RFX6: variants seen among roughly 807,000 people sequenced by gnomAD.
The protein encoded by RFX6 is DNA-binding protein RFX6.
A neutral mutation model predicts 110.8 loss-of-function variants in RFX6; 50 were observed. The observed-to-expected ratio is 0.45, with a 90% CI of 0.36 to 0.57. The LOEUF (loss-of-function observed/expected upper bound fraction) is 0.57. Among genes scored for constraint, RFX6 ranks in the 20% least tolerant of loss-of-function variants. The pLI, the probability that RFX6 is intolerant of heterozygous loss-of-function variation, is 0.00. For missense variants in RFX6, 990 were observed against 1,127.0 expected (o/e 0.88, Z 1.74); for synonymous variants, 383 against 411.2 (o/e 0.93, Z 0.83).
rs776594000 is a variant in RFX6 at position 116,928,808 on chromosome 6, A to T, written c.2448A>T (p.Ser816=). The T allele has an allele frequency of 1.9e-6, 3 of 1,614,050 alleles. 1 individual carries two copies. The Admixed American group carries it at 5.0e-5, about 27-fold the overall frequency. ...ACCCAGAGTCTCACAGGCTCGGATC[A>T]ATGGTGAATCAGCACGTTTCTGTCA... ...INYPESHRLG[S]MVNQHVSVIS... is the part of the protein sequence containing the mutation. Residue 816 remains serine, a synonymous_variant, in exon 18 of 19, where the codon TCA becomes TCT. Transcript: ENST00000332958.
Position 116,927,323 on chromosome 6 carries a change from A to C in RFX6, c.2182A>C (p.Met728Leu). The C allele has an allele frequency of 6.2e-7, 1 of 1,614,168 alleles. No individual in the cohort carries two copies. The highest frequency in any genetic ancestry group is 8.5e-7 in the Non-Finnish European group (1 of 1,179,980). The change falls in exon 17 of 19, where the codon ATG becomes CTG. Residue 728 changes from methionine to leucine, a missense_variant. This residue lies in a region of RFX6 where 438 missense variants were observed against 441.9 expected (regional missense o/e 0.99). Transcript: ENST00000332958. ...TCATCACACCGAGCATGGTCGATGC[A>C]TGGCTTGGACTGAACAGCAGCTTTC... The part of the protein sequence containing the change: ...YPHHTEHGRC[M>L]AWTEQQLSRD...
At chr6:116,922,174 G>A (rs2114699198) in intron 13 of RFX6, 23 bp downstream of exon 13, 1 of 1,068,294 alleles carries the variant, frequency 9.4e-7, no homozygotes. Context: ...GACAGATTCA[G>A]AAAATAAGTT....
chr6:116,916,691 T>C (rs994759665), intron 9 of RFX6, among the ~76,000 whole-genome samples: 2 of 152,130 alleles, frequency 1.3e-5, no homozygotes, highest in African/African-American at 4.8e-5. Context: ...GGCACCCTTA[T>C]GAGATTAATA....
In RFX6 at chr6:116,924,551, T is replaced by C. The variant is rs1775667460; in HGVS notation, c.1556-118T>C. ...AGTATTTGTTTATTTCAGTTGCTCC[T>C]TGTAAAGTGTTGCGAGATGGTCACA... On this transcript the variant is annotated intron_variant, in intron 14 of 18. Transcript: ENST00000332958. 1.3e-5 allele frequency: 12 copies of C among 923,636 alleles called. No homozygotes were observed. The South Asian group carries it at 1.3e-4, about 10-fold the overall frequency. 57.2% of individuals were successfully genotyped at this position (923,636 alleles called of 1,614,324 possible). A position where few individuals can be genotyped will look rare whatever the true frequency, so the allele number is the denominator to read the frequency against.
In RFX6 at chr6:116,927,547, T is replaced by C. The variant is rs147610306; in HGVS notation, c.2398+8T>C. 8.6e-3 allele frequency: 13,824 copies of C among 1,611,366 alleles called. 521 individuals carry two copies. The South Asian group carries it at 0.093, about 11-fold the overall frequency. Reference sequence around the variant, plus strand: ...CTCCTAATTCACCAAATGGTATTGATATTTAAAAGAATTTTTCTTGGTTTT... The same window carrying C: ...CTCCTAATTCACCAAATGGTATTGACATTTAAAAGAATTTTTCTTGGTTTT... On this transcript the variant is annotated splice_region_variant and intron_variant, in intron 17 of 18. Coordinates refer to ENST00000332958, the MANE Select transcript of RFX6 (RefSeq NM_173560.4).
intron 18 of RFX6, among the ~76,000 whole-genome samples, chr6:116,930,457 T>C (rs968658749): frequency 2.0e-5 from 3 of 152,158 alleles, no homozygotes; most frequent in African/African-American, 7.2e-5. Flanking sequence ...GAAGTTTACA[T>C]TCTAGTAGAG....
intron 4 of RFX6, among the ~76,000 whole-genome samples, chr6:116,890,961 C>G (rs1774817929): frequency 6.6e-6 from 1 of 151,976 alleles, no homozygotes; most frequent in African/African-American, 2.4e-5. Context: ...ACATTCTATC[C>G]TTAAAAGTCG....
intron 6 of RFX6, among the ~76,000 whole-genome samples, chr6:116,897,617 C>T (rs989464315): frequency 1.3e-5 from 2 of 152,120 alleles, no homozygotes; most frequent in African/African-American, 2.4e-5. Context: ...AAAACTCATT[C>T]TGACCATGAC....
At chr6:116,920,022 T>G (rs1433884723) in intron 11 of RFX6, among the ~76,000 whole-genome samples, 1 of 152,168 alleles carries the variant, frequency 6.6e-6, no homozygotes, top group East Asian at 1.9e-4. Context: ...TACTTTAAGT[T>G]TTAGGGTACA....
At chr6:116,907,573 T>A (rs1279772002) in intron 6 of RFX6, among the ~76,000 whole-genome samples, 1 of 152,216 alleles carries the variant, frequency 6.6e-6, no homozygotes, top group East Asian at 1.9e-4. Flanking sequence ...GTTCATCCCA[T>A]GTTGGTTGAA....
chr6:116,877,332 A>G lies in RFX6; in HGVS notation c.57A>G (p.Gln19=), dbSNP rs769415472. 17 of 1,613,028 alleles carry G rather than the reference A, an allele frequency of 1.1e-5. No individual in the cohort carries two copies. The highest frequency in any genetic ancestry group is 1.3e-5 in the African/African-American group (1 of 75,014). ...DTFLQAQPAP[Q]LSPGIQEDCC... ...TCCTGCAGGCGCAGCCTGCGCCCCA[A>G]CTGTCCCCGGGGATCCAGGAAGACT... Residue 19 remains glutamine (Q), a synonymous_variant, in exon 1 of 19, where the codon CAA becomes CAG. Coordinates refer to ENST00000332958, the MANE Select transcript of RFX6 (RefSeq NM_173560.4).
At chr6:116,921,818 G>GTC (rs991199712) in intron 12 of RFX6, among the ~76,000 whole-genome samples, 65 of 151,456 alleles carry the variant, frequency 4.3e-4, no homozygotes, top group South Asian at 1.0e-3. Flanking sequence ...GCAAGATCCT[G>GTC]TCTCTCTCTC....
intron 7 of RFX6, among the ~76,000 whole-genome samples, chr6:116,914,505 C>A (rs1430394008): frequency 1.3e-5 from 2 of 152,258 alleles, no homozygotes; most frequent in African/African-American, 4.8e-5. Flanking sequence ...TACTCATCCT[C>A]ATTTTAAACA....
intron 14 of RFX6, among the ~76,000 whole-genome samples, chr6:116,923,693 A>G (rs9320585): frequency 0.24 from 37,070 of 152,088 alleles, 4,906 homozygotes; most frequent in South Asian, 0.42. Context: ...CACCCATATA[A>G]CTGCACTCCA....
chr6:116,900,443 C>A (rs568351187), intron 6 of RFX6, among the ~76,000 whole-genome samples: 16 of 151,902 alleles, frequency 1.1e-4, no homozygotes, highest in Non-Finnish European at 2.2e-4. Context: ...TTAGTAGAGT[C>A]GGGGTTTTGT....
chr6:116,911,148 A>C, intron 7 of RFX6, 106 bp downstream of exon 7: 1 of 787,728 alleles, frequency 1.3e-6, no homozygotes, highest in South Asian at 1.5e-5. Context: ...AAATCTGCAT[A>C]ATCAAACATA....
At chr6:116,890,645 GTA>G (rs2114669792) in intron 4 of RFX6, among the ~76,000 whole-genome samples, 1 of 152,244 alleles carries the variant, frequency 6.6e-6, no homozygotes, top group East Asian at 1.9e-4. Context: ...AATAAGAAAA[GTA>G]CATGCCATTT....
chr6:116,921,980 A>G, intron 12 of RFX6, 62 bp from the exon 13 acceptor site: 1 of 784,182 alleles, frequency 1.3e-6, no homozygotes, highest in Non-Finnish European at 2.2e-6. Context: ...TTTCTCTTGG[A>G]TTCCAAGTAG....
intron 6 of RFX6, among the ~76,000 whole-genome samples, chr6:116,904,291 G>A (rs1775146748): frequency 6.6e-6 from 1 of 151,826 alleles, no homozygotes; most frequent in Admixed American, 6.6e-5. Flanking sequence ...GTTATGTGTT[G>A]TAAATAACTT....
Sources: gnomAD v4.1 joint callset for allele counts (sites outside exome capture counted in the v4.1 genomes callset) on GRCh38, gnomAD v4.1.1 for gene constraint, gnomAD v4.1.1 regional missense constraint, MANE v1.5 for transcripts, NCBI Gene and HGNC (gene_info 2026-07-23, HGNC 2026-07-21) for gene names.